SORCS2: variants seen among roughly 807,000 people sequenced by gnomAD.
SORCS2 encodes the protein VPS10 domain-containing receptor SorCS2.
In SORCS2, 100 loss-of-function variants were observed where a neutral mutation model predicts 141.6. That is an observed-to-expected ratio of 0.71 (90% CI 0.60 to 0.83). The LOEUF is 0.83. SORCS2 is among the 40% of genes least tolerant of loss of function. The probability of loss-of-function intolerance (pLI) is 0.00; values close to 1 mark genes in which losing one functional copy is unlikely to be tolerated. For missense variants in SORCS2, 1,646 were observed against 1,560.2 expected, an observed-to-expected ratio of 1.05 and a Z score of -0.93; for synonymous variants, 789 against 676.9, an observed-to-expected ratio of 1.17 and a Z score of -2.57.
chr4:7,737,117 G>A lies in SORCS2; in HGVS notation c.3360G>A (p.Glu1120=). The A allele has an allele frequency of 6.4e-7, 1 of 1,551,484 alleles. No individual in the cohort carries two copies. The highest frequency in any genetic ancestry group is 8.7e-7 in the Non-Finnish European group (1 of 1,146,966). Residue 1120 remains glutamate (E), a synonymous_variant, in exon 26 of 27, where the codon GAG becomes GAA. Coordinates refer to ENST00000507866, the MANE Select transcript of SORCS2 (RefSeq NM_020777.3). ...TVYAQMHNEK[E]QEMTSPVSHS... is the part of the protein sequence containing the mutation. ...ACGCCCAAATGCACAACGAGAAGGA[G>A]CAGGAGATGACCAGCCCTGTGAGTC...
intron 1 of SORCS2, among the ~76,000 whole-genome samples, chr4:7,237,679 T>C (rs1370434199): frequency 6.6e-6 from 1 of 152,142 alleles, no homozygotes; most frequent in Non-Finnish European, 1.5e-5. Context: ...TTTCAGCCTC[T>C]CTGGGCCTCT....
intron 3 of SORCS2, among the ~76,000 whole-genome samples, chr4:7,551,343 A>G (rs1157229258): frequency 6.6e-6 from 1 of 152,210 alleles, no homozygotes; most frequent in Non-Finnish European, 1.5e-5. Context: ...CTGACTTGGC[A>G]TCAGCTCCCT....
intron 8 of SORCS2, among the ~76,000 whole-genome samples, chr4:7,672,017 C>T (rs1304432096): frequency 1.3e-5 from 2 of 150,492 alleles, no homozygotes; most frequent in African/African-American, 4.9e-5. Flanking sequence ...AATCTCAGCT[C>T]ACTGCAACCT....
At chr4:7,585,121 A>G (rs1187100930) in intron 3 of SORCS2, among the ~76,000 whole-genome samples, 1 of 152,180 alleles carries the variant, frequency 6.6e-6, no homozygotes, top group African/African-American at 2.4e-5. Flanking sequence ...AAGATCTGAG[A>G]CAAGCATATA....
At chr4:7,445,210 GA>G (rs546729086) in intron 2 of SORCS2, among the ~76,000 whole-genome samples, 215 of 152,348 alleles carry the variant, frequency 1.4e-3, no homozygotes, top group Non-Finnish European at 2.3e-3. Flanking sequence ...CATGCCTGCA[GA>G]GGCACCCTTG....
intron 9 of SORCS2, 32 bp downstream of exon 9, chr4:7,676,261 C>A (rs1723101230): frequency 6.5e-7 from 1 of 1,542,844 alleles, no homozygotes; most frequent in Admixed American, 2.0e-5. Context: ...GCCAGGTCTG[C>A]CGCCGACCCC....
chr4:7,355,626 G>A (rs1170144567), intron 1 of SORCS2, among the ~76,000 whole-genome samples: 1 of 152,132 alleles, frequency 6.6e-6, no homozygotes, highest in South Asian at 2.1e-4. Context: ...GGCTGAGGAG[G>A]TTTGCAACAA....
At chr4:7,604,641 A>T (rs1238083342) in intron 3 of SORCS2, among the ~76,000 whole-genome samples, 1 of 152,202 alleles carries the variant, frequency 6.6e-6, no homozygotes, top group Non-Finnish European at 1.5e-5. Flanking sequence ...CTATGCCCAC[A>T]TTCATTCTCT....
At chr4:7,241,507 T>C (rs1017302401) in intron 1 of SORCS2, among the ~76,000 whole-genome samples, 49 of 152,332 alleles carry the variant, frequency 3.2e-4, no homozygotes, top group African/African-American at 1.1e-3. Context: ...TTTTACTTAC[T>C]GTGCACTCTT....
At chr4:7,588,337 G>A (rs772661883) in intron 3 of SORCS2, among the ~76,000 whole-genome samples, 7 of 152,134 alleles carry the variant, frequency 4.6e-5, no homozygotes, top group Non-Finnish European at 7.4e-5. Flanking sequence ...GTTTTGTTTC[G>A]GATGAGGAGG....
chr4:7,628,363 C>CA (rs1323949710), intron 3 of SORCS2, among the ~76,000 whole-genome samples: 32 of 152,102 alleles, frequency 2.1e-4, no homozygotes, highest in African/African-American at 6.3e-4. Flanking sequence ...ACTAAAAATA[C>CA]AAAAAATTAG....
chr4:7,529,000 A>G (rs1050025875), intron 2 of SORCS2, among the ~76,000 whole-genome samples: 2 of 151,724 alleles, frequency 1.3e-5, no homozygotes, highest in African/African-American at 4.8e-5. Context: ...CCAATTTCCA[A>G]ATTCTTATAA....
chr4:7,628,354 C>G (rs1426385230), intron 3 of SORCS2, among the ~76,000 whole-genome samples: 1 of 152,092 alleles, frequency 6.6e-6, no homozygotes, highest in Non-Finnish European at 1.5e-5. Flanking sequence ...CCCATCTCTA[C>G]TAAAAATACA....
intron 1 of SORCS2, among the ~76,000 whole-genome samples, chr4:7,372,594 C>T (rs1394058108): frequency 6.6e-6 from 1 of 152,216 alleles, no homozygotes; most frequent in African/African-American, 2.4e-5. Context: ...AGGCGTGAGC[C>T]ACTGCGCCCA....
intron 12 of SORCS2, 112 bp from the exon 13 acceptor site, chr4:7,703,168 G>A (rs1341125479): frequency 6.0e-6 from 5 of 838,526 alleles, no homozygotes; most frequent in Non-Finnish European, 9.1e-6. Flanking sequence ...CTTGGCCTCT[G>A]CCAACAACCC....
intron 1 of SORCS2, among the ~76,000 whole-genome samples, chr4:7,254,303 T>C (rs1713702922): frequency 6.6e-6 from 1 of 152,184 alleles, no homozygotes; most frequent in African/African-American, 2.4e-5. Flanking sequence ...ATAAAGGAAA[T>C]GTGGTCTAGA....
At chr4:7,443,999 C>A (rs1362826031) in intron 2 of SORCS2, among the ~76,000 whole-genome samples, 1 of 152,228 alleles carries the variant, frequency 6.6e-6, no homozygotes, top group Non-Finnish European at 1.5e-5. Flanking sequence ...GAGTGCCTCA[C>A]CCACAGGTAA....
chr4:7,555,963 C>A (rs538139872), intron 3 of SORCS2, among the ~76,000 whole-genome samples: 1 of 152,346 alleles, frequency 6.6e-6, no homozygotes, highest in Admixed American at 6.5e-5. Context: ...GCACAGGGTG[C>A]TTCTGCAGTG....
At chr4:7,385,891 C>G (rs888229909) in intron 1 of SORCS2, among the ~76,000 whole-genome samples, 2 of 152,192 alleles carry the variant, frequency 1.3e-5, no homozygotes, top group Admixed American at 6.5e-5. Flanking sequence ...TGAGCACTGA[C>G]CGAATGCTTC....
Sources: gnomAD v4.1 joint callset for allele counts (sites outside exome capture counted in the v4.1 genomes callset) on GRCh38, gnomAD v4.1.1 for gene constraint, MANE v1.5 for transcripts, NCBI Gene and HGNC (gene_info 2026-07-23, HGNC 2026-07-21) for gene names.